Variants in SVEP1 observed in about 807,000 individuals in gnomAD.
The protein encoded by SVEP1 is sushi, von Willebrand factor type A, EGF and pentraxin domain containing 1.
In SVEP1, 164 loss-of-function variants were observed where a neutral mutation model predicts 367.3. The ratio of observed to expected loss-of-function variants is 0.45; its 90% CI spans 0.39 to 0.51. SVEP1 has a LOEUF of 0.51. Ranked by LOEUF, SVEP1 falls within the 20% of genes least tolerant of loss-of-function variation. SVEP1 has a pLI of 0.00. For missense variants in SVEP1, 4,117 were observed against 4,425.3 expected, an observed-to-expected ratio of 0.93 and a Z score of 1.98; for synonymous variants, 1,666 against 1,611.6, an observed-to-expected ratio of 1.03 and a Z score of -0.81.
chr9:110,369,228 T>A (rs992601539), intron 47 of SVEP1, among the ~76,000 whole-genome samples: 1 of 152,196 alleles, frequency 6.6e-6, no homozygotes, highest in Non-Finnish European at 1.5e-5. Context: ...TCCTGATGTT[T>A]AAAAAGTTAT....
At chr9:110,438,691 T>C (rs1387926347) in intron 27 of SVEP1, among the ~76,000 whole-genome samples, 1 of 152,232 alleles carries the variant, frequency 6.6e-6, no homozygotes, top group Non-Finnish European at 1.5e-5. Context: ...ATTAGATTGA[T>C]TTCTGGTAGT....
At chr9:110,541,857 C>T (rs1830153283) in intron 3 of SVEP1, among the ~76,000 whole-genome samples, 1 of 138,008 alleles carries the variant, frequency 7.2e-6, no homozygotes, top group South Asian at 2.3e-4. Flanking sequence ...CTATATATAT[C>T]TATATACATA....
intron 18 of SVEP1, among the ~76,000 whole-genome samples, chr9:110,462,125 A>AGAT (rs58983778): frequency 0.013 from 1,906 of 152,232 alleles, 39 homozygotes; most frequent in African/African-American, 0.043. Context: ...GTAAAACTCA[A>AGAT]GATGCTATAA....
intron 3 of SVEP1, among the ~76,000 whole-genome samples, chr9:110,517,433 A>C (rs1352252623): frequency 2.0e-5 from 3 of 151,926 alleles, no homozygotes; most frequent in African/African-American, 7.3e-5. Flanking sequence ...CCCCATCTCT[A>C]TTAAAAATAC....
rs1827959625 is a variant in SVEP1, at chr9:110,406,690, A to G, written c.8910T>C (p.His2970=). 1.9e-6 allele frequency: 3 copies of G among 1,614,044 alleles called. No individual in the cohort carries two copies. In the East Asian group the frequency reaches 6.7e-5, roughly 36 times the overall value. The change falls in exon 38 of 48, where the codon CAT becomes CAC. Residue 2970 remains histidine, a synonymous_variant. Transcript: ENST00000374469. ...PNGFSFIHGG[H]IQYQCFPGYK... ...AACCAGGAAAGCACTGATACTGTAT[A>G]TGGCCCCCATGAATAAAGGAAAAAC...
Position 110,451,486 on chromosome 9 carries a change from T to C in SVEP1, c.3788-84A>G, listed in dbSNP as rs987177273. 3.4e-6 allele frequency: 3 copies of C among 883,692 alleles called. No homozygotes were observed. In the Admixed American group the frequency reaches 7.3e-5, roughly 22 times the overall value. The allele number at this position is 883,692 out of a possible 1,614,324, so 54.7% of individuals were successfully genotyped here. A position where few individuals can be genotyped will look rare whatever the true frequency, so the allele number is the denominator to read the frequency against. On this transcript the variant is annotated intron_variant, in intron 22 of 47. Coordinates refer to ENST00000374469, the MANE Select transcript of SVEP1 (RefSeq NM_153366.4). ...AGTTTCCAAGCAAGTTGTTCAGGCA[T>C]TGGAATAGGGAAATTGGAAATCATG...
intron 40 of SVEP1, among the ~76,000 whole-genome samples, chr9:110,394,762 A>G (rs113273218): frequency 2.0e-5 from 3 of 152,360 alleles, no homozygotes; most frequent in African/African-American, 7.2e-5. Flanking sequence ...GTGATGGAAG[A>G]TCAAATGAAT....
chr9:110,406,404 A>G lies in SVEP1; in HGVS notation c.9196T>C (p.Ser3066Pro). 6.2e-7 allele frequency: 1 copy of G among 1,614,064 alleles called. No individual in the cohort carries two copies. The highest frequency in any genetic ancestry group is 1.1e-5 in the South Asian group (1 of 91,084). The part of the protein sequence containing the change: ...FPHCEHTSCG[S>P]LPMIPNAFIS... ...AACGCATTTGGTATCATTGGAAGAG[A>G]ACCACAAGAAGTGTGTTCACAGTGG... The change falls in exon 38 of 48, where the codon TCT becomes CCT. Residue 3066 changes from serine (S) to proline (P), a missense_variant. Ser to Pro is a moderately conservative substitution (Grantham distance 74). This residue lies in a region of SVEP1 where 1,765 missense variants were observed against 1,781.1 expected (regional missense o/e 0.99). Transcript: ENST00000374469.
chr9:110,443,849 CT>C (rs544719198), intron 26 of SVEP1, 129 bp from the exon 27 acceptor site: 75 of 673,556 alleles, frequency 1.1e-4, no homozygotes, highest in South Asian at 1.8e-4. Context: ...ATCCATTACT[CT>C]TTTTTTTTCT....
At chr9:110,439,897 G>A (rs1342966582) in intron 27 of SVEP1, among the ~76,000 whole-genome samples, 1 of 152,014 alleles carries the variant, frequency 6.6e-6, no homozygotes, top group Non-Finnish European at 1.5e-5. Context: ...TTATTTTCCT[G>A]TTCCTTCAAT....
intron 13 of SVEP1, 64 bp downstream of exon 13, chr9:110,479,571 T>C: frequency 6.6e-7 from 1 of 1,505,828 alleles, no homozygotes; most frequent in Non-Finnish European, 8.9e-7. Flanking sequence ...CAGTTGTAAA[T>C]GACTCAGAAA....
chr9:110,579,411 T>G lies in SVEP1; in HGVS notation c.133A>C (p.Ser45Arg), dbSNP rs1352076838. 1.5e-5 allele frequency: 23 copies of G among 1,578,198 alleles called. No individual in the cohort carries two copies. In the African/African-American group the frequency reaches 2.7e-4, roughly 19 times the overall value. ...FPETAPGAPGSIPAPPAPGDE... is the reference protein window; with the variant it reads ...FPETAPGAPGRIPAPPAPGDE... ...CCAGGAGCGGGCGGCGCGGGGATAC[T>G]CCCGGGGGCCCCGGGCGCGGTCTCG... is the stretch of plus-strand genomic sequence containing the variant. The change falls in exon 1 of 48, where the codon AGT (serine) becomes CGT (arginine). Residue 45 changes from serine (S) to arginine (R), a missense_variant. Physicochemically the swap from Ser to Arg is moderately radical, Grantham distance 110. Around this residue, in one of 4 missense-constraint regions of SVEP1, gnomAD observed 161 missense variants for 122.4 expected, o/e 1.32. Transcript: ENST00000374469. This position sits in a 1 kb window ranked among gnomAD's most constrained non-coding sequence, Gnocchi z 5.3.
chr9:110,394,010 T>C (rs1485186200), intron 40 of SVEP1, among the ~76,000 whole-genome samples: 4 of 152,172 alleles, frequency 2.6e-5, no homozygotes, highest in African/African-American at 7.2e-5. Context: ...AAGAGAATAA[T>C]GGTTCTCCCA....
chr9:110,579,577 AG>A lies in SVEP1; in HGVS notation c.-35del. 1 of 1,535,994 alleles carries A rather than the reference AG, an allele frequency of 6.5e-7. No homozygotes were observed. The highest frequency in any genetic ancestry group is 8.7e-7 in the Non-Finnish European group (1 of 1,147,354). Reference sequence around the variant, plus strand: ...AGACAGAGCGGCTGCCCCGGAGCGCAGGCGGCGGCTCGGGCGGGAAGAGGCG... The same window carrying A: ...AGACAGAGCGGCTGCCCCGGAGCGCAGCGGCGGCTCGGGCGGGAAGAGGCG... On this transcript the variant is annotated 5_prime_UTR_variant, in exon 1 of 48. Transcript: ENST00000374469. The surrounding 1 kb of genome is among the most constrained non-coding windows in gnomAD (Gnocchi z 5.3).
rs376908196 is a variant in SVEP1 at position 110,406,140 on chromosome 9, C to A, written c.9440+20G>T. 3 of 1,536,714 alleles carry A rather than the reference C, an allele frequency of 2.0e-6. No homozygotes were observed. Among genetic ancestry groups the A allele is most frequent in the East Asian group, 2.3e-5 (1 of 44,336 alleles). ...TAATCCTGCCCGCACCCCTTGGAGA[C>A]CCTAGAGCCATGATCTTACCTGAGT... On this transcript the variant is annotated intron_variant, in intron 38 of 47. Transcript: ENST00000374469.
At chr9:110,566,553 C>G (rs1474214951) in intron 1 of SVEP1, among the ~76,000 whole-genome samples, 2 of 151,934 alleles carry the variant, frequency 1.3e-5, no homozygotes, top group African/African-American at 4.8e-5. Flanking sequence ...ACAATGCAAC[C>G]AACATTTTAT....
chr9:110,480,709 G>C (rs190126839), intron 12 of SVEP1, among the ~76,000 whole-genome samples: 1 of 151,982 alleles, frequency 6.6e-6, no homozygotes, highest in African/African-American at 2.4e-5. Flanking sequence ...AAAGTTCCCT[G>C]CAGTCTGAAA....
At chr9:110,414,507 C>T (rs997367175) in intron 36 of SVEP1, among the ~76,000 whole-genome samples, 4 of 151,922 alleles carry the variant, frequency 2.6e-5, no homozygotes, top group Non-Finnish European at 5.9e-5. Context: ...AAGATCTGAA[C>T]TTAGCTTGGA....
At chr9:110,382,283 A>T (rs1373488465) in intron 43 of SVEP1, among the ~76,000 whole-genome samples, 1 of 152,064 alleles carries the variant, frequency 6.6e-6, no homozygotes, top group Admixed American at 6.5e-5. Flanking sequence ...GGTGGTGATG[A>T]ATTCCCTCAG....
Sources: gnomAD v4.1 joint callset for allele counts (sites outside exome capture counted in the v4.1 genomes callset) on GRCh38, gnomAD v4.1.1 for gene constraint, gnomAD v4.1.1 regional missense constraint, Gnocchi (gnomAD v3.1) non-coding constraint, MANE v1.5 for transcripts, NCBI Gene and HGNC (gene_info 2026-07-23, HGNC 2026-07-21) for gene names.